The following CCDC57 variants were observed in gnomAD, a reference collection of about 807,000 sequenced individuals.
CCDC57 encodes the protein coiled-coil domain containing 57, also known as coiled-coil domain-containing protein 57.
CCDC57 carries 118 observed loss-of-function variants against 118.9 expected under a neutral mutation model. That is an observed-to-expected ratio of 0.99 (90% CI 0.86 to 1.16). The LOEUF (loss-of-function observed/expected upper bound fraction) is 1.16. Ranked by LOEUF, CCDC57 falls within the 50% of genes most tolerant of loss-of-function variation. The probability of loss-of-function intolerance (pLI) is 0.00; values close to 1 mark genes in which losing one functional copy is unlikely to be tolerated. For synonymous variants in CCDC57, 527 were observed against 532.9 expected (o/e 0.99, Z 0.15); for missense variants, 1,300 against 1,320.7 (o/e 0.98, Z 0.24).
Position 82,157,499 on chromosome 17 carries a change from C to T in CCDC57, c.2241+249G>A, listed in dbSNP as rs560054581. ...GCTGAAGGGAGGACTGGGATGGGCCCGTCCCGCCCCCCACCAACGGGGCAT... is the reference window on the plus strand; with the variant it reads ...GCTGAAGGGAGGACTGGGATGGGCCTGTCCCGCCCCCCACCAACGGGGCAT... On this transcript the variant is annotated intron_variant, in intron 15 of 19. Coordinates refer to ENST00000665763, the Ensembl canonical transcript of CCDC57. 124 of 1,419,088 alleles carry T rather than the reference C, an allele frequency of 8.7e-5. No homozygotes were observed. In the South Asian group the frequency reaches 1.7e-3, roughly 19 times the overall value. The allele number at this position is 1,419,088 out of a possible 1,614,324, so 87.9% of individuals were successfully genotyped here.
intron 16 of CCDC57, among the ~76,000 whole-genome samples, chr17:82,138,660 C>CGGGTCGGAAGAGACGCGTGGCCTGCCCT (rs1441050727): frequency 2.7e-5 from 4 of 147,384 alleles, no homozygotes; most frequent in Non-Finnish European, 5.9e-5. Flanking sequence ...TGGCCTGCCC[C>CGGGTCGGAAGAGACGCGTGGCCTGCCCT]GGGTCGGAAG....
chr17:82,107,818 C>G (rs1350082237), intron 19 of CCDC57, among the ~76,000 whole-genome samples: 1 of 152,184 alleles, frequency 6.6e-6, no homozygotes, highest in Non-Finnish European at 1.5e-5. Flanking sequence ...CCTCCTGCCT[C>G]AGCTGCTCTC....
At chr17:82,124,429 T>C (rs1044678915) in intron 19 of CCDC57, among the ~76,000 whole-genome samples, 1 of 152,216 alleles carries the variant, frequency 6.6e-6, no homozygotes, top group Non-Finnish European at 1.5e-5. Context: ...TCTGCTGGGC[T>C]GGAAGATGGT....
chr17:82,136,506 C>T (rs1598806810), intron 16 of CCDC57, among the ~76,000 whole-genome samples: 2 of 150,294 alleles, frequency 1.3e-5, no homozygotes, highest in African/African-American at 4.9e-5. Flanking sequence ...ACATTCTTGA[C>T]GTGCTTAATG....
chr17:82,172,794 G>A lies in CCDC57; in HGVS notation c.1573C>T (p.Arg525Ter), dbSNP rs767301565. ...TTTCGCAAGCTCGTGTTCTGCTCTC[G>A]GAGCCGCTGGATCTCACTGGATGGA... Residue 525 changes from arginine to a stop codon, truncating the protein, a stop_gained, in exon 12 of 20, where the codon CGA becomes TGA. Transcript: ENST00000665763. LOFTEE classifies it high-confidence loss of function. This position sits in a 1 kb window ranked among gnomAD's most constrained non-coding sequence, Gnocchi z 5.2. The A allele has an allele frequency of 7.4e-6, 12 of 1,613,498 alleles. No individual in the cohort carries two copies. The highest frequency in any genetic ancestry group is 1.7e-5 in the Admixed American group (1 of 59,978).
intron 15 of CCDC57, among the ~76,000 whole-genome samples, chr17:82,152,643 G>A (rs2042197429): frequency 6.6e-6 from 1 of 152,242 alleles, no homozygotes; most frequent in Non-Finnish European, 1.5e-5. Flanking sequence ...GGCAAGACGG[G>A]AGCCGACGAC....
At chr17:82,205,188 A>T (rs1479407177) in intron 2 of CCDC57, among the ~76,000 whole-genome samples, 1 of 152,214 alleles carries the variant, frequency 6.6e-6, no homozygotes, top group Non-Finnish European at 1.5e-5. Flanking sequence ...GTGATCTCTG[A>T]TGACTCAGAA....
intron 19 of CCDC57, among the ~76,000 whole-genome samples, chr17:82,124,834 A>G (rs752098041): frequency 1.3e-5 from 2 of 152,182 alleles, no homozygotes; most frequent in African/African-American, 2.4e-5. Flanking sequence ...GGGGGGAGCC[A>G]AGAAACGAAA....
chr17:82,118,047 C>A lies in CCDC57; in HGVS notation c.2899+9645G>T, dbSNP rs1439087767. 1.3e-5 allele frequency among the ~76,000 whole-genome samples: 2 copies of A among 152,188 alleles called. No individual in the cohort carries two copies. Among genetic ancestry groups the A allele is most frequent in the Admixed American group, 6.5e-5 (1 of 15,284 alleles). On this transcript the variant is annotated intron_variant, in intron 19 of 19. Transcript: ENST00000665763. The surrounding 1 kb of genome is among the most constrained non-coding windows in gnomAD (Gnocchi z 4.7). ...AAAGGGAGGTGAGCCGATGCGGCGG[C>A]TCACAAAACTACCAGAAAGATCTGT...
chr17:82,154,685 G>A (rs1281059335), intron 15 of CCDC57: 1 of 152,468 alleles, frequency 6.6e-6, no homozygotes, highest in Admixed American at 6.6e-5. Flanking sequence ...AGGGTCCAGG[G>A]TCCCACGTGG....
exon 19 of CCDC57, chr17:82,127,717 G>T: frequency 6.2e-7 from 1 of 1,608,574 alleles, no homozygotes; most frequent in South Asian, 1.1e-5. Flanking sequence ...CCTGGGAGGT[G>T]ACACCAGAAG....
chr17:82,147,630 T>G (rs1598896929), intron 16 of CCDC57, among the ~76,000 whole-genome samples: 5 of 88,002 alleles, frequency 5.7e-5, no homozygotes, highest in Non-Finnish European at 8.8e-5. Context: ...ATTGGGCGGG[T>G]GGGTGGATGG....
chr17:82,177,506 C>G (rs1391334996), intron 11 of CCDC57, among the ~76,000 whole-genome samples: 1 of 152,244 alleles, frequency 6.6e-6, no homozygotes, highest in Admixed American at 6.5e-5. Flanking sequence ...TGAGATTGCA[C>G]CATTGCACTT....
chr17:82,188,882 G>A (rs2047311620), intron 7 of CCDC57, among the ~76,000 whole-genome samples: 1 of 152,202 alleles, frequency 6.6e-6, no homozygotes, highest in South Asian at 2.1e-4. Context: ...GCCTGGCCTT[G>A]AACTCAAGCA....
intron 19 of CCDC57, chr17:82,104,667 T>C (rs2034712044): frequency 1.3e-5 from 2 of 152,168 alleles, no homozygotes; most frequent in Non-Finnish European, 2.9e-5. Context: ...GCCTCCCGAG[T>C]AGATGGGACT....
chr17:82,182,915 A>T (rs1055999282), intron 9 of CCDC57, among the ~76,000 whole-genome samples: 2 of 151,868 alleles, frequency 1.3e-5, no homozygotes, highest in East Asian at 1.9e-4. Context: ...CGAACTCCTG[A>T]CCTCAAGTGA....
At chr17:82,145,778 C>T (rs913145146) in intron 16 of CCDC57, 19 of 464,198 alleles carry the variant, frequency 4.1e-5, no homozygotes, top group Non-Finnish European at 7.1e-5. Context: ...TCTCACTCCC[C>T]GCCCTGGTCT....
At chr17:82,178,685 T>C (rs2045825640) in intron 10 of CCDC57, 80 bp from the exon 10 acceptor site, 3 of 1,552,664 alleles carry the variant, frequency 1.9e-6, no homozygotes, top group Non-Finnish European at 2.6e-6. Context: ...ATGGCACACA[T>C]AGGTGGGAGA....
At chr17:82,202,015 T>A in intron 2 of CCDC57, 63 bp from the exon 2 acceptor site, 4 of 1,413,324 alleles carry the variant, frequency 2.8e-6, no homozygotes, top group Non-Finnish European at 3.8e-6. Flanking sequence ...CCTACCACAG[T>A]ACCTACCTCA....
Sources: allele counts gnomAD v4.1 joint callset (sites outside exome capture counted in the v4.1 genomes callset), GRCh38; gene constraint gnomAD v4.1.1; non-coding constraint Gnocchi (gnomAD v3.1); transcripts MANE v1.5; gene names NCBI Gene and HGNC (gene_info 2026-07-23, HGNC 2026-07-21).